GUCY1B1: variants seen among roughly 807,000 people sequenced by gnomAD.
GUCY1B1 encodes guanylate cyclase 1 soluble subunit beta 1, also known as guanylate cyclase soluble subunit beta-1.
Under a neutral mutation model 71.0 loss-of-function variants are expected in GUCY1B1, and 43 were observed. That is an observed-to-expected ratio of 0.61 (90% CI 0.47 to 0.78). The LOEUF (loss-of-function observed/expected upper bound fraction) is 0.78, where lower values mean the gene tolerates loss of function less well. GUCY1B1 is among the 30% of genes least tolerant of loss of function. The probability of loss-of-function intolerance (pLI) is 0.00; values close to 1 mark genes in which losing one functional copy is unlikely to be tolerated. For synonymous variants in GUCY1B1, 266 were observed against 259.7 expected (o/e 1.02, Z -0.23); for missense variants, 535 against 754.1 (o/e 0.71, Z 3.40).
intron 2 of GUCY1B1, among the ~76,000 whole-genome samples, chr4:155,764,550 C>T (rs1344395751): frequency 6.6e-6 from 1 of 152,088 alleles, no homozygotes; most frequent in Non-Finnish European, 1.5e-5. Flanking sequence ...AGTATACATA[C>T]AAAAATGAAA....
At chr4:155,782,734 C>G (rs1322793499) in intron 4 of GUCY1B1, among the ~76,000 whole-genome samples, 1 of 152,130 alleles carries the variant, frequency 6.6e-6, no homozygotes, top group Non-Finnish European at 1.5e-5. Flanking sequence ...ATTTAAACTT[C>G]CTAGGCTAGA....
At chr4:155,769,288 T>C (rs1286285911) in intron 2 of GUCY1B1, among the ~76,000 whole-genome samples, 1 of 152,184 alleles carries the variant, frequency 6.6e-6, no homozygotes, top group Admixed American at 6.5e-5. Context: ...TTATTTTCCA[T>C]ACTGTGTGAG....
intron 4 of GUCY1B1, among the ~76,000 whole-genome samples, chr4:155,778,371 G>A (rs1423837832): frequency 6.6e-6 from 1 of 152,144 alleles, no homozygotes; most frequent in Non-Finnish European, 1.5e-5. Flanking sequence ...CCCTCTTCTT[G>A]AAATGTGTTA....
At chr4:155,793,018 CT>C in intron 5 of GUCY1B1, among the ~76,000 whole-genome samples, 1 of 152,284 alleles carries the variant, frequency 6.6e-6, no homozygotes. Context: ...AAAATACCCC[CT>C]CATCAGTGGT....
intron 4 of GUCY1B1, among the ~76,000 whole-genome samples, chr4:155,786,461 C>CTTTTTT (rs70954058): frequency 5.4e-5 from 2 of 37,150 alleles, no homozygotes; most frequent in Non-Finnish European, 9.4e-5. Context: ...TTCTTTCTTT[C>CTTTTTT]TTTTTTTTTT....
intron 2 of GUCY1B1, among the ~76,000 whole-genome samples, chr4:155,773,870 G>A (rs1204735528): frequency 1.3e-5 from 2 of 152,116 alleles, no homozygotes; most frequent in African/African-American, 2.4e-5. Context: ...TGTATTTTTA[G>A]CAGAGAGACG....
chr4:155,776,632 T>C (rs2125799), intron 3 of GUCY1B1, among the ~76,000 whole-genome samples: 51,767 of 151,860 alleles, frequency 0.34, 8,926 homozygotes, highest in Middle Eastern at 0.48. Flanking sequence ...ATCCTACCAG[T>C]GCACTACAGC....
rs1579180995 is a variant in GUCY1B1 at position 155,760,898 on chromosome 4, T to C, written c.77+1038T>C. Among the ~76,000 whole-genome samples the C allele has an allele frequency of 2.0e-5, 3 of 152,348 alleles. No individual in the cohort carries two copies. The South Asian group carries it at 6.2e-4, about 32-fold the overall frequency. ...GGTAGGTGAGGCTTCCATGCTGTTTTTCCCTAAGCACATTACAATTATTAG... is the reference window on the plus strand; with the variant it reads ...GGTAGGTGAGGCTTCCATGCTGTTTCTCCCTAAGCACATTACAATTATTAG... On this transcript the variant is annotated intron_variant, in intron 2 of 13. Coordinates refer to ENST00000264424, the MANE Select transcript of GUCY1B1 (RefSeq NM_000857.5).
chr4:155,796,192 C>T (rs1739541901), intron 7 of GUCY1B1, among the ~76,000 whole-genome samples, 185 bp from the exon 8 acceptor site: 1 of 152,204 alleles, frequency 6.6e-6, no homozygotes, highest in Non-Finnish European at 1.5e-5. Flanking sequence ...CACTTTTCTG[C>T]AGTGTTGCAA....
chr4:155,802,968 C>A lies in GUCY1B1; in HGVS notation c.1413+389C>A, dbSNP rs554864429. ...TTTGTACAGTAAAGAAGTCATGAAG[C>A]ATGAGAAGGACTCAGATTTGCGTTT... On this transcript the variant is annotated intron_variant, in intron 10 of 13. Transcript: ENST00000264424. This position sits in a 1 kb window ranked among gnomAD's most constrained non-coding sequence, Gnocchi z 4.3. 6.6e-6 allele frequency among the ~76,000 whole-genome samples: 1 copy of A among 152,108 alleles called. No homozygotes were observed. Among genetic ancestry groups the A allele is most frequent in the Non-Finnish European group, 1.5e-5 (1 of 68,024 alleles).
chr4:155,764,834 C>G (rs974966091), intron 2 of GUCY1B1, among the ~76,000 whole-genome samples: 3 of 152,188 alleles, frequency 2.0e-5, no homozygotes, highest in African/African-American at 7.2e-5. Flanking sequence ...TTGCATAGGG[C>G]TCTTCCAGAA....
intron 5 of GUCY1B1, among the ~76,000 whole-genome samples, chr4:155,792,039 T>G (rs1739217352): frequency 6.6e-6 from 1 of 152,206 alleles, no homozygotes; most frequent in South Asian, 2.1e-4. Flanking sequence ...ATTTAAATTC[T>G]CTTCTGACCA....
chr4:155,788,215 A>C (rs1220036481), intron 4 of GUCY1B1, among the ~76,000 whole-genome samples: 1 of 152,076 alleles, frequency 6.6e-6, no homozygotes, highest in Non-Finnish European at 1.5e-5. Flanking sequence ...TTTTGGGGAT[A>C]ATTGTTTTCT....
At chr4:155,772,610 A>T (rs956580757) in intron 2 of GUCY1B1, 1 of 659,642 alleles carries the variant, frequency 1.5e-6, no homozygotes, top group African/African-American at 1.8e-5. Flanking sequence ...AGGAGAGAAG[A>T]GGTCTTGGTA....
At chr4:155,789,422 T>C (rs1409706247) in intron 4 of GUCY1B1, among the ~76,000 whole-genome samples, 1 of 152,240 alleles carries the variant, frequency 6.6e-6, no homozygotes. Flanking sequence ...CCCTTAACTA[T>C]GTTTTTTTCT....
At chr4:155,794,278 A>G (rs760241315) in intron 6 of GUCY1B1, among the ~76,000 whole-genome samples, 192 bp downstream of exon 6, 7 of 152,126 alleles carry the variant, frequency 4.6e-5, no homozygotes, top group Non-Finnish European at 8.8e-5. Flanking sequence ...TAGGACAACT[A>G]TTTTTTTATA....
intron 2 of GUCY1B1, among the ~76,000 whole-genome samples, chr4:155,766,166 A>G (rs1171788766): frequency 6.6e-6 from 1 of 152,184 alleles, no homozygotes; most frequent in African/African-American, 2.4e-5. Flanking sequence ...TTTCCAAAGA[A>G]TAGAGCACAC....
chr4:155,792,713 A>G (rs779335375), intron 5 of GUCY1B1, among the ~76,000 whole-genome samples: 3 of 152,054 alleles, frequency 2.0e-5, no homozygotes, highest in Admixed American at 6.5e-5. Context: ...TGTTGTCCCA[A>G]ACTTTTTCTG....
At chr4:155,805,302 G>A (rs977566150) in intron 13 of GUCY1B1, 73 bp downstream of exon 13, 13 of 1,201,190 alleles carry the variant, frequency 1.1e-5, no homozygotes, top group Non-Finnish European at 1.4e-5. Flanking sequence ...CAAAATCACT[G>A]AAAATGTATT....
Sources: allele counts gnomAD v4.1 joint callset (sites outside exome capture counted in the v4.1 genomes callset), GRCh38; gene constraint gnomAD v4.1.1; non-coding constraint Gnocchi (gnomAD v3.1); transcripts MANE v1.5; gene names NCBI Gene and HGNC (gene_info 2026-07-23, HGNC 2026-07-21).